The following TRERF1 variants were observed in gnomAD, a reference collection of about 807,000 sequenced individuals.
The protein encoded by TRERF1 is transcriptional-regulating factor 1.
TRERF1 carries 27 observed loss-of-function variants against 122.9 expected under a neutral mutation model. The ratio of observed to expected loss-of-function variants is 0.22; its 90% CI spans 0.16 to 0.30. TRERF1 has a LOEUF of 0.30. TRERF1 is among the 10% of genes least tolerant of loss of function. The pLI, the probability that TRERF1 is intolerant of heterozygous loss-of-function variation, is 1.00. For missense variants in TRERF1, 1,248 were observed against 1,560.3 expected (o/e 0.80, Z 3.37); for synonymous variants, 636 against 641.7 (o/e 0.99, Z 0.13).
exon 18 of TRERF1, chr6:42,225,280 T>C (rs1006033466): frequency 2.0e-5 from 3 of 151,400 alleles, no homozygotes; most frequent in Non-Finnish European, 2.9e-5. Context: ...ATTTGTTACA[T>C]ATGATGTTTA....
intron 2 of TRERF1, among the ~76,000 whole-genome samples, chr6:42,387,545 T>C (rs929653978): frequency 6.6e-6 from 1 of 152,252 alleles, no homozygotes; most frequent in Non-Finnish European, 1.5e-5. Context: ...TGGTGGTTAA[T>C]GACAAGGTGG....
chr6:42,359,856 A>T (rs1412790096), intron 3 of TRERF1, among the ~76,000 whole-genome samples: 2 of 152,218 alleles, frequency 1.3e-5, no homozygotes, highest in African/African-American at 4.8e-5. Flanking sequence ...ATAAAATTTT[A>T]AAATCCCTAT....
chr6:42,238,098 A>G (rs1437941172), intron 15 of TRERF1, among the ~76,000 whole-genome samples: 1 of 152,176 alleles, frequency 6.6e-6, no homozygotes, highest in Non-Finnish European at 1.5e-5. Flanking sequence ...TATTTCTGTA[A>G]GACTCCACCA....
exon 18 of TRERF1, chr6:42,227,399 C>G (rs1769700001): frequency 6.6e-6 from 1 of 152,224 alleles, no homozygotes; most frequent in Admixed American, 6.5e-5. Flanking sequence ...CTCCACTAAT[C>G]ATTAACAGCG....
intron 4 of TRERF1, among the ~76,000 whole-genome samples, chr6:42,279,676 A>G (rs1344063360): frequency 6.6e-6 from 1 of 152,160 alleles, no homozygotes; most frequent in Non-Finnish European, 1.5e-5. Flanking sequence ...GCAAGGGACG[A>G]CAGGGAGGGT....
chr6:42,311,129 C>T (rs1788154472), intron 3 of TRERF1, among the ~76,000 whole-genome samples: 2 of 152,138 alleles, frequency 1.3e-5, no homozygotes, highest in Admixed American at 1.3e-4. Context: ...AAGGTCCCTG[C>T]CTTTGTGGAG....
chr6:42,290,656 T>G (rs72857605), intron 4 of TRERF1, among the ~76,000 whole-genome samples: 2,055 of 147,994 alleles, frequency 0.014, 22 homozygotes, highest in Non-Finnish European at 0.022. Context: ...AAAAGTTAAG[T>G]GGCAATCTCA....
intron 3 of TRERF1, among the ~76,000 whole-genome samples, chr6:42,331,523 C>T (rs797017060): frequency 1.3e-5 from 2 of 152,324 alleles, no homozygotes; most frequent in African/African-American, 4.8e-5. Context: ...ACCCCAAGTA[C>T]CAGCCCGTTC....
At chr6:42,364,452 C>T (rs561322129) in intron 2 of TRERF1, among the ~76,000 whole-genome samples, 1 of 152,314 alleles carries the variant, frequency 6.6e-6, no homozygotes, top group East Asian at 1.9e-4. Flanking sequence ...AGAGCAGGGA[C>T]ATCGTATTAT....
At chr6:42,352,743 A>G (rs1040451336) in intron 3 of TRERF1, among the ~76,000 whole-genome samples, 2 of 152,236 alleles carry the variant, frequency 1.3e-5, no homozygotes, top group African/African-American at 4.8e-5. Context: ...TGGGGGGGAA[A>G]GACATAATCA....
intron 2 of TRERF1, among the ~76,000 whole-genome samples, chr6:42,432,842 CAAAA>C (rs10557615): frequency 2.7e-5 from 3 of 110,368 alleles, no homozygotes; most frequent in Admixed American, 9.1e-5. Context: ...GACTCTGTCT[CAAAA>C]AAAAAAAAAA....
chr6:42,372,834 C>T (rs1774010428), intron 2 of TRERF1, among the ~76,000 whole-genome samples: 1 of 152,208 alleles, frequency 6.6e-6, no homozygotes, highest in African/African-American at 2.4e-5. Context: ...ACACGTGGCA[C>T]TGACCACAGG....
At chr6:42,377,524 A>G (rs1409907605) in intron 2 of TRERF1, among the ~76,000 whole-genome samples, 2 of 152,256 alleles carry the variant, frequency 1.3e-5, no homozygotes, top group African/African-American at 2.4e-5. Flanking sequence ...GATGAATAAC[A>G]TTCCATTGTA....
At chr6:42,301,888 C>T (rs1786270051) in intron 3 of TRERF1, among the ~76,000 whole-genome samples, 1 of 152,178 alleles carries the variant, frequency 6.6e-6, no homozygotes, top group Non-Finnish European at 1.5e-5. Flanking sequence ...ATTTCAAATT[C>T]ACTCTCTGGA....
chr6:42,240,043 C>T (rs1447871414), intron 15 of TRERF1, among the ~76,000 whole-genome samples: 3 of 151,802 alleles, frequency 2.0e-5, no homozygotes, highest in Admixed American at 6.6e-5. Flanking sequence ...TGAAGCTTCA[C>T]GCCGGCCTGG....
At chr6:42,418,427 G>A (rs1782241520) in intron 2 of TRERF1, among the ~76,000 whole-genome samples, 1 of 151,566 alleles carries the variant, frequency 6.6e-6, no homozygotes, top group Non-Finnish European at 1.5e-5. Flanking sequence ...ATGCCACCAT[G>A]CCTGACTAAT....
At position 42,254,994 on chromosome 6, in the gene TRERF1, A is replaced by T. The variant is rs984645156; in HGVS notation, c.2581-68T>A. 6.6e-6 allele frequency: 10 copies of T among 1,521,508 alleles called. No homozygotes were observed. In the Admixed American group the frequency reaches 1.2e-4, roughly 18 times the overall value. The allele number at this position is 1,521,508 out of a possible 1,614,324, so 94.3% of individuals were successfully genotyped here. On this transcript the variant is annotated intron_variant, in intron 12 of 17. Coordinates refer to ENST00000372922, the Ensembl canonical transcript of TRERF1. ...TCTGTGTGTCCTATGGAGATCATCT[A>T]CCCAAAGGGGAAAAGCGGTTAGCAC... is the stretch of plus-strand genomic sequence containing the variant.
chr6:42,422,533 T>A (rs1013311830), intron 2 of TRERF1, among the ~76,000 whole-genome samples: 1 of 143,756 alleles, frequency 7.0e-6, no homozygotes, highest in East Asian at 2.0e-4. Context: ...AAAATACAAA[T>A]CTCCTGCCAT....
intron 3 of TRERF1, among the ~76,000 whole-genome samples, chr6:42,339,825 T>A (rs1162341382): frequency 2.0e-5 from 3 of 152,238 alleles, no homozygotes; most frequent in African/African-American, 7.2e-5. Flanking sequence ...ATCTGGACAC[T>A]ACCTGTGGCT....
Sources: gnomAD v4.1 joint callset for allele counts (sites outside exome capture counted in the v4.1 genomes callset) on GRCh38, gnomAD v4.1.1 for gene constraint, MANE v1.5 for transcripts, NCBI Gene and HGNC (gene_info 2026-07-23, HGNC 2026-07-21) for gene names.